Variants in FUCA1 observed in about 807,000 individuals in gnomAD.
FUCA1 encodes tissue alpha-L-fucosidase.
A neutral mutation model predicts 56.8 loss-of-function variants in FUCA1; 52 were observed. That is an observed-to-expected ratio of 0.92 (90% CI 0.73 to 1.15). FUCA1 has a LOEUF of 1.15. Ranked by LOEUF, FUCA1 falls within the 50% of genes most tolerant of loss-of-function variation. The pLI is 0.00. For synonymous variants in FUCA1, 230 were observed against 226.6 expected, an observed-to-expected ratio of 1.02 and a Z score of -0.14; for missense variants, 568 against 592.6, an observed-to-expected ratio of 0.96 and a Z score of 0.43.
chr1:23,859,280 G>C (rs1639457575), intron 4 of FUCA1, among the ~76,000 whole-genome samples: 1 of 151,982 alleles, frequency 6.6e-6, no homozygotes, highest in African/African-American at 2.4e-5. Context: ...AGAACTAAAG[G>C]AGATTGCCGG....
At chr1:23,851,064 C>T (rs1639245452) in intron 5 of FUCA1, among the ~76,000 whole-genome samples, 1 of 152,110 alleles carries the variant, frequency 6.6e-6, no homozygotes, top group Admixed American at 6.6e-5. Flanking sequence ...CAGGTATGAG[C>T]CACTGTGCCC....
In FUCA1 at chr1:23,859,897, T is replaced by C; in HGVS notation, c.669A>G (p.Lys223=). Residue 223 remains lysine, a synonymous_variant, in exon 4 of 8, where the codon AAA becomes AAG. Transcript: ENST00000374479. The stretch of plus-strand genomic sequence containing the variant: ...CCCCATCAGACCAGATCAGATCAGG[T>C]TTATAGCTGGAAGACATGTGATCAG... ...PELYDLVNSY[K]PDLIWSDGEW... 4 of 1,602,108 alleles carry C rather than the reference T, an allele frequency of 2.5e-6. No individual in the cohort carries two copies. The highest frequency in any genetic ancestry group is 1.7e-4 in the Middle Eastern group (1 of 6,048).
intron 2 of FUCA1, among the ~76,000 whole-genome samples, chr1:23,863,582 T>C (rs1051484533): frequency 6.6e-6 from 1 of 152,240 alleles, no homozygotes; most frequent in Non-Finnish European, 1.5e-5. Flanking sequence ...CTGGGCGCAG[T>C]GGCTCATGCC....
intron 5 of FUCA1, among the ~76,000 whole-genome samples, chr1:23,850,876 T>C (rs767166447): frequency 6.6e-6 from 1 of 152,096 alleles, no homozygotes; most frequent in Non-Finnish European, 1.5e-5. Context: ...CCTCTTGTCT[T>C]GGTCTCCCAA....
At chr1:23,852,885 G>A (rs1639295289) in intron 5 of FUCA1, among the ~76,000 whole-genome samples, 1 of 151,790 alleles carries the variant, frequency 6.6e-6, no homozygotes, top group African/African-American at 2.4e-5. Flanking sequence ...TGCAGCCTCT[G>A]CCCGGCCGCC....
At position 23,851,911 on chromosome 1, in the gene FUCA1, G is replaced by A. The variant is rs183726477; in HGVS notation, c.969+2449C>T. 8.6e-5 allele frequency among the ~76,000 whole-genome samples: 13 copies of A among 151,942 alleles called. 1 individual carries two copies. The East Asian group carries it at 2.5e-3, about 29-fold the overall frequency. On this transcript the variant is annotated intron_variant, in intron 5 of 7. Transcript: ENST00000374479. ...TTAGGACAAATACCTAATGCATGTG[G>A]GGCTTAAAACCTAGATATCGGGTTG...
At chr1:23,850,649 A>G (rs1413620873) in intron 5 of FUCA1, among the ~76,000 whole-genome samples, 1 of 151,898 alleles carries the variant, frequency 6.6e-6, no homozygotes, top group Non-Finnish European at 1.5e-5. Context: ...ACGCCCAGCT[A>G]ATTTTTTTTG....
intron 5 of FUCA1, among the ~76,000 whole-genome samples, chr1:23,849,454 C>T (rs1013696462): frequency 1.3e-5 from 2 of 151,944 alleles, no homozygotes; most frequent in African/African-American, 4.8e-5. Flanking sequence ...TGGGAAGGGT[C>T]ATGCCCCAGA....
At chr1:23,860,399 C>A (rs887656961) in intron 3 of FUCA1, among the ~76,000 whole-genome samples, 1 of 151,692 alleles carries the variant, frequency 6.6e-6, no homozygotes, top group African/African-American at 2.4e-5. Context: ...CTGGGTAACA[C>A]GGTGAAACCC....
At chr1:23,854,251 T>A (rs987986347) in intron 5 of FUCA1, 109 bp downstream of exon 5, 57 of 911,196 alleles carry the variant, frequency 6.3e-5, no homozygotes, top group Admixed American at 3.6e-4. Flanking sequence ...AAAATATGCA[T>A]CTGTAAACAA....
intron 3 of FUCA1, 99 bp from the exon 4 acceptor site, chr1:23,860,002 T>C (rs938769524): frequency 6.7e-6 from 5 of 751,060 alleles, no homozygotes; most frequent in Non-Finnish European, 1.2e-5. Flanking sequence ...TTTCGCTATG[T>C]TGCCTAAGCT....
rs61996282 is a variant in FUCA1 at position 23,868,280 on chromosome 1, C to T, written c.7G>A (p.Ala3Thr). The T allele has an allele frequency of 9.8e-5, 152 of 1,549,780 alleles. No homozygotes were observed. In the African/African-American group the frequency reaches 1.4e-3, roughly 14 times the overall value. Residue 3 changes from alanine to threonine, a missense_variant, in exon 1 of 8, where the codon GCT (alanine) becomes ACT (threonine). Ala to Thr is a moderately conservative substitution (Grantham distance 58). Coordinates refer to ENST00000374479, the MANE Select transcript of FUCA1 (RefSeq NM_000147.5). MR[A>T]PGMRSRPAGP... ...GCCGGCCGCGACCTCATCCCCGGAG[C>T]CCGCATCGCTACCCCTCAGCGACGC...
At chr1:23,864,749 C>T (rs916761344) in intron 2 of FUCA1, among the ~76,000 whole-genome samples, 13 of 150,464 alleles carry the variant, frequency 8.6e-5, no homozygotes, top group African/African-American at 1.5e-4. Flanking sequence ...CTGCCACCCA[C>T]GCTGGAGTGC....
At chr1:23,863,034 T>A in intron 3 of FUCA1, 100 bp downstream of exon 3, 2 of 1,289,762 alleles carry the variant, frequency 1.6e-6, no homozygotes, top group Non-Finnish European at 2.2e-6. Context: ...GTCTTTTAGG[T>A]TTTTTTCATA....
In FUCA1 at chr1:23,845,574, A is replaced by T. The variant is rs1349017230; in HGVS notation, c.*141T>A. On this transcript the variant is annotated 3_prime_UTR_variant, in exon 8 of 8. Coordinates refer to ENST00000374479, the MANE Select transcript of FUCA1 (RefSeq NM_000147.5). ...ATTTAGACATCAGGGTAATGTACTCAGTTCCTTTAATTAAAATGTGTTGGA... is the reference window on the plus strand; with the variant it reads ...ATTTAGACATCAGGGTAATGTACTCTGTTCCTTTAATTAAAATGTGTTGGA... 1 of 939,040 alleles carries T rather than the reference A, an allele frequency of 1.1e-6. No homozygotes were observed. The highest frequency in any genetic ancestry group is 1.9e-5 in the Admixed American group (1 of 53,554). The allele number at this position is 939,040 out of a possible 1,614,324, so 58.2% of individuals were successfully genotyped here. A position where few individuals can be genotyped will look rare whatever the true frequency, so the allele number is the denominator to read the frequency against.
chr1:23,849,707 C>T (rs1639218018), intron 5 of FUCA1, among the ~76,000 whole-genome samples: 2 of 151,156 alleles, frequency 1.3e-5, no homozygotes, highest in African/African-American at 2.4e-5. Flanking sequence ...CTCAGGCTCC[C>T]GAGTAGCTGG....
At chr1:23,850,377 G>A (rs1570674854) in intron 5 of FUCA1, among the ~76,000 whole-genome samples, 3 of 151,234 alleles carry the variant, frequency 2.0e-5, no homozygotes, top group Admixed American at 2.0e-4. Context: ...TACTCCAAGT[G>A]ACACCACACC....
In FUCA1 at chr1:23,868,027, G is replaced by A. The variant is rs138378067; in HGVS notation, c.260C>T (p.Pro87Leu). The A allele has an allele frequency of 3.7e-5, 59 of 1,608,666 alleles. No homozygotes were observed. The African/African-American group carries it at 6.5e-4, about 18-fold the overall frequency. ...FWWHWQGEGR[P>L]QYQRFMRDNY... ...GTCGCGCATGAAGCGCTGGTACTGC[G>A]GCCGCCCCTCGCCCTGCCAGTGCCA... Residue 87 changes from proline (P) to leucine (L), a missense_variant, in exon 1 of 8, where the codon CCG (proline) becomes CTG (leucine). By Grantham distance (98) the Pro-to-Leu change is moderately conservative. Transcript: ENST00000374479.
chr1:23,852,483 GTCTCCC>G (rs1479559729), intron 5 of FUCA1, among the ~76,000 whole-genome samples: 2 of 136,224 alleles, frequency 1.5e-5, no homozygotes, highest in Non-Finnish European at 3.2e-5. Context: ...TCTCCCCACG[GTCTCCC>G]TCTCCCTCTC....
Sources: gnomAD v4.1 joint callset for allele counts (sites outside exome capture counted in the v4.1 genomes callset) on GRCh38, gnomAD v4.1.1 for gene constraint, MANE v1.5 for transcripts, NCBI Gene and HGNC (gene_info 2026-07-23, HGNC 2026-07-21) for gene names.